The following HIBADH variants were observed in gnomAD, a reference collection of about 807,000 sequenced individuals.
HIBADH encodes 3-hydroxyisobutyrate dehydrogenase, mitochondrial.
Under a neutral mutation model 36.1 loss-of-function variants are expected in HIBADH, and 25 were observed. The observed-to-expected ratio is 0.69, with a 90% CI of 0.50 to 0.97. HIBADH has a LOEUF of 0.97. Ranked by LOEUF, HIBADH falls within the 50% of genes least tolerant of loss-of-function variation. The probability of loss-of-function intolerance (pLI) is 0.00; values close to 1 mark genes in which losing one functional copy is unlikely to be tolerated. For synonymous variants in HIBADH, 160 were observed against 149.5 expected (o/e 1.07, Z -0.51); for missense variants, 421 against 418.0 (o/e 1.01, Z -0.06).
intron 4 of HIBADH, among the ~76,000 whole-genome samples, chr7:27,574,839 T>C (rs1005213990): frequency 1.3e-5 from 2 of 152,232 alleles, no homozygotes; most frequent in Non-Finnish European, 2.9e-5. Flanking sequence ...AATAGAGCTA[T>C]GTACATACAA....
rs370319299 is a variant in HIBADH, at chr7:27,625,302, TCA to T, written c.484+4067_484+4068del. On this transcript the variant is annotated intron_variant, in intron 4 of 7. Coordinates refer to ENST00000265395, the MANE Select transcript of HIBADH (RefSeq NM_152740.4). ...TATAGAGAGGTGCCCTTTCTAATTC[TCA>T]CACAGGTACCAAGTAAGCCAGTGGC... Among the ~76,000 whole-genome samples, 447 of 152,220 alleles carry T rather than the reference TCA, an allele frequency of 2.9e-3. 1 individual carries two copies. Among genetic ancestry groups the T allele is most frequent in the African/African-American group, 0.01 (427 of 41,538 alleles).
intron 4 of HIBADH, among the ~76,000 whole-genome samples, chr7:27,615,877 C>T (rs1004662019): frequency 6.6e-6 from 1 of 152,180 alleles, no homozygotes; most frequent in African/African-American, 2.4e-5. Context: ...GACATTATGG[C>T]TCCATGCCTG....
At chr7:27,540,399 T>A (rs1784130968) in intron 5 of HIBADH, among the ~76,000 whole-genome samples, 1 of 152,174 alleles carries the variant, frequency 6.6e-6, no homozygotes, top group African/African-American at 2.4e-5. Context: ...CTTGAATTAA[T>A]CCAAGATCCA....
intron 4 of HIBADH, among the ~76,000 whole-genome samples, chr7:27,563,217 G>A (rs995037726): frequency 2.6e-5 from 4 of 152,154 alleles, no homozygotes; most frequent in Non-Finnish European, 5.9e-5. Context: ...TGGGTTACCT[G>A]TTATTGTGGG....
chr7:27,614,025 TAA>T (rs1231164144), intron 4 of HIBADH, among the ~76,000 whole-genome samples: 1 of 152,170 alleles, frequency 6.6e-6, no homozygotes, highest in East Asian at 1.9e-4. Context: ...GTGTAAATAA[TAA>T]AAGTCAACCG....
intron 4 of HIBADH, among the ~76,000 whole-genome samples, chr7:27,628,413 T>C (rs1400382470): frequency 6.6e-6 from 1 of 152,134 alleles, no homozygotes; most frequent in Non-Finnish European, 1.5e-5. Context: ...CATATTCTGC[T>C]GTCTACTGCT....
intron 4 of HIBADH, among the ~76,000 whole-genome samples, chr7:27,607,449 C>A (rs1785248982): frequency 6.6e-6 from 1 of 152,080 alleles, no homozygotes; most frequent in Non-Finnish European, 1.5e-5. Flanking sequence ...ACGGAGGTTG[C>A]CGTGAGCTGA....
chr7:27,656,929 T>C (rs1488053524), intron 1 of HIBADH, among the ~76,000 whole-genome samples: 1 of 152,150 alleles, frequency 6.6e-6, no homozygotes, highest in Non-Finnish European at 1.5e-5. Flanking sequence ...CAGCAACCAT[T>C]ACACATTGCA....
At chr7:27,656,927 A>G (rs1379660494) in intron 1 of HIBADH, among the ~76,000 whole-genome samples, 1 of 152,202 alleles carries the variant, frequency 6.6e-6, no homozygotes, top group Non-Finnish European at 1.5e-5. Flanking sequence ...CACAGCAACC[A>G]TTACACATTG....
At chr7:27,544,991 A>G (rs912318133) in intron 4 of HIBADH, among the ~76,000 whole-genome samples, 1 of 152,250 alleles carries the variant, frequency 6.6e-6, no homozygotes, top group African/African-American at 2.4e-5. Context: ...ATGTGGTATC[A>G]TAATTATTTC....
chr7:27,618,456 T>C (rs970004557), intron 4 of HIBADH, among the ~76,000 whole-genome samples: 1 of 152,096 alleles, frequency 6.6e-6, no homozygotes, highest in African/African-American at 2.4e-5. Context: ...CCCACGCAGA[T>C]AGGGACCCAG....
intron 1 of HIBADH, among the ~76,000 whole-genome samples, chr7:27,658,030 G>C (rs1316879502): frequency 6.6e-6 from 1 of 152,104 alleles, no homozygotes; most frequent in East Asian, 1.9e-4. Context: ...TGCCTAGTGG[G>C]TTACAAGAGC....
In HIBADH at chr7:27,633,475, C is replaced by T. The variant is rs1785784262; in HGVS notation, c.253-1030G>A. 3.3e-5 allele frequency among the ~76,000 whole-genome samples: 5 copies of T among 152,150 alleles called. No individual in the cohort carries two copies. In the South Asian group the frequency reaches 6.2e-4, roughly 19 times the overall value. On this transcript the variant is annotated intron_variant, in intron 2 of 7. Coordinates refer to ENST00000265395, the MANE Select transcript of HIBADH (RefSeq NM_152740.4). ...GAGGTGGAGACCAGTCTGGGTAACA[C>T]GGTGAGACTCCATCTCTACCAAAAA...
intron 4 of HIBADH, among the ~76,000 whole-genome samples, chr7:27,550,311 ATAACTC>A (rs1562618070): frequency 1.3e-5 from 2 of 152,322 alleles, no homozygotes; most frequent in East Asian, 3.9e-4. Flanking sequence ...GGAGAACTAC[ATAACTC>A]ACTGTACCCT....
intron 7 of HIBADH, among the ~76,000 whole-genome samples, chr7:27,530,362 C>T (rs569355613): frequency 2.0e-5 from 3 of 152,230 alleles, no homozygotes; most frequent in Non-Finnish European, 2.9e-5. Context: ...CGCACCACCA[C>T]GCCCGACTAA....
intron 2 of HIBADH, among the ~76,000 whole-genome samples, chr7:27,642,752 C>A (rs35733358): frequency 6.7e-6 from 1 of 148,362 alleles, no homozygotes; most frequent in Non-Finnish European, 1.5e-5. Context: ...CCCGGGTTCA[C>A]GCCATTCTCC....
rs1785708653 is a variant in HIBADH, at chr7:27,629,437, A to G, written c.418T>C (p.Ser140Pro). The change falls in exon 4 of 8, where the codon TCA (serine) becomes CCA (proline). Residue 140 changes from serine (S) to proline (P), a missense_variant. Ser to Pro is a moderately conservative substitution (Grantham distance 74). Transcript: ENST00000265395. ...IDSSTIDPAV[S>P]KELAKEVEKM... ...TCAACTTCTTTGGCCAATTCTTTTGAAACTGCAGGATCAATAGTGCTGGAA... is the reference window on the plus strand; with the variant it reads ...TCAACTTCTTTGGCCAATTCTTTTGGAACTGCAGGATCAATAGTGCTGGAA... 1 of 1,611,220 alleles carries G rather than the reference A, an allele frequency of 6.2e-7. No individual in the cohort carries two copies. Among genetic ancestry groups the G allele is most frequent in the Non-Finnish European group, 8.5e-7 (1 of 1,178,138 alleles).
At chr7:27,604,113 TGA>T (rs1356842117) in intron 4 of HIBADH, among the ~76,000 whole-genome samples, 2 of 152,164 alleles carry the variant, frequency 1.3e-5, no homozygotes, top group Non-Finnish European at 2.9e-5. Context: ...CCAACTGAAA[TGA>T]GAGAATCCAA....
chr7:27,662,638 TG>T, intron 1 of HIBADH, 59 bp downstream of exon 1: 1 of 1,087,062 alleles, frequency 9.2e-7, no homozygotes, highest in Non-Finnish European at 1.2e-6. Context: ...TTCGGCCGTC[TG>T]GACAGAAGAA....
Sources: gnomAD v4.1 joint callset for allele counts (sites outside exome capture counted in the v4.1 genomes callset) on GRCh38, gnomAD v4.1.1 for gene constraint, MANE v1.5 for transcripts, NCBI Gene and HGNC (gene_info 2026-07-23, HGNC 2026-07-21) for gene names.